DLGAP1: variants seen among roughly 807,000 people sequenced by gnomAD.
DLGAP1 encodes the protein disks large-associated protein 1.
A neutral mutation model predicts 90.8 loss-of-function variants in DLGAP1; 11 were observed. That is an observed-to-expected ratio of 0.12 (90% CI 0.08 to 0.20). The LOEUF (loss-of-function observed/expected upper bound fraction) is 0.20, where lower values mean the gene tolerates loss of function less well. Ranked by LOEUF, DLGAP1 falls within the 10% of genes least tolerant of loss-of-function variation. The probability of loss-of-function intolerance (pLI) is 1.00; values close to 1 mark genes in which losing one functional copy is unlikely to be tolerated. For missense variants in DLGAP1, 1,050 were observed against 1,333.8 expected, an observed-to-expected ratio of 0.79 and a Z score of 3.31; for synonymous variants, 558 against 540.7, an observed-to-expected ratio of 1.03 and a Z score of -0.44.
chr18:3,599,439 G>A (rs1323355089), intron 7 of DLGAP1, among the ~76,000 whole-genome samples: 1 of 152,136 alleles, frequency 6.6e-6, no homozygotes, highest in African/African-American at 2.4e-5. Flanking sequence ...GGTCAAGTTT[G>A]GCTAGTGGCT....
intron 1 of DLGAP1, among the ~76,000 whole-genome samples, chr18:4,445,453 C>A (rs201006140): frequency 2.5e-5 from 3 of 119,182 alleles, no homozygotes; most frequent in African/African-American, 9.6e-5. Context: ...CCCCCTCCCC[C>A]CACCCCACCA....
chr18:3,835,647 CAAA>C (rs573083559), intron 4 of DLGAP1, among the ~76,000 whole-genome samples: 4 of 79,612 alleles, frequency 5.0e-5, no homozygotes, highest in African/African-American at 4.3e-5. Context: ...GGCTCCGTCT[CAAA>C]AAAAAAAAAA....
chr18:3,836,317 A>G (rs1206449874), intron 4 of DLGAP1, among the ~76,000 whole-genome samples: 2 of 152,190 alleles, frequency 1.3e-5, no homozygotes, highest in Non-Finnish European at 1.5e-5. Flanking sequence ...TTTATTAAAA[A>G]AATACACTTT....
At chr18:4,435,274 A>G (rs970053320) in intron 1 of DLGAP1, among the ~76,000 whole-genome samples, 2 of 152,192 alleles carry the variant, frequency 1.3e-5, no homozygotes, top group Non-Finnish European at 2.9e-5. Context: ...AGTCAGTAAA[A>G]TTTGATGTTT....
At position 3,580,265 on chromosome 18, in the gene DLGAP1, G is replaced by T. The variant is rs559323575; in HGVS notation, c.1965+1610C>A. On this transcript the variant is annotated intron_variant, in intron 8 of 12. Coordinates refer to ENST00000315677, the MANE Select transcript of DLGAP1 (RefSeq NM_004746.4). ...GAAAAGACCAGTCAGTGGAGTGGGG[G>T]ACGCTCCAGGCACCAGCAATGGCGC... 1.9e-4 allele frequency: 299 copies of T among 1,603,958 alleles called. 2 individuals carry two copies. In the South Asian group the frequency reaches 3.2e-3, roughly 17 times the overall value.
At chr18:3,953,858 C>T (rs1418061429) in intron 3 of DLGAP1, among the ~76,000 whole-genome samples, 1 of 152,132 alleles carries the variant, frequency 6.6e-6, no homozygotes, top group Non-Finnish European at 1.5e-5. Flanking sequence ...CTGAAACATA[C>T]TCTAATCTTT....
At chr18:4,444,844 CT>C (rs1177041768) in intron 1 of DLGAP1, among the ~76,000 whole-genome samples, 5 of 152,282 alleles carry the variant, frequency 3.3e-5, no homozygotes, top group Admixed American at 6.5e-5. Context: ...TCATTTAAGC[CT>C]TTCAAAAACT....
intron 7 of DLGAP1, among the ~76,000 whole-genome samples, chr18:3,589,638 G>A (rs1247544207): frequency 1.3e-5 from 2 of 152,142 alleles, no homozygotes; most frequent in Non-Finnish European, 2.9e-5. Context: ...ATGTAAACAT[G>A]TTGTTACCCC....
At chr18:4,349,838 T>G (rs2081370916) in intron 1 of DLGAP1, among the ~76,000 whole-genome samples, 2 of 152,186 alleles carry the variant, frequency 1.3e-5, no homozygotes, top group Admixed American at 1.3e-4. Context: ...TCTTTCTATT[T>G]GTGAGGCTTA....
At chr18:4,263,062 T>C (rs1000311645) in intron 1 of DLGAP1, among the ~76,000 whole-genome samples, 1 of 151,964 alleles carries the variant, frequency 6.6e-6, no homozygotes, top group Non-Finnish European at 1.5e-5. Context: ...GCCTCCGGAG[T>C]AGCTGGGACT....
At chr18:4,348,239 T>C (rs1033107697) in intron 1 of DLGAP1, among the ~76,000 whole-genome samples, 4 of 152,118 alleles carry the variant, frequency 2.6e-5, no homozygotes, top group South Asian at 4.2e-4. Flanking sequence ...ATTAAATAAA[T>C]TGATGATGCT....
intron 1 of DLGAP1, among the ~76,000 whole-genome samples, chr18:4,388,591 G>C (rs147834139): frequency 6.6e-5 from 10 of 152,186 alleles, no homozygotes; most frequent in Admixed American, 3.9e-4. Flanking sequence ...AAAATAAGGA[G>C]TCATGTTGTA....
At position 3,938,820 on chromosome 18, in the gene DLGAP1, T is replaced by C. The variant is rs548454443; in HGVS notation, c.-72-58680A>G. The stretch of plus-strand genomic sequence containing the variant: ...TAATGGGAGGTGGCTGGAGGCATGC[T>C]GGCTGCTGGGTGGGAATACACAGTA... On this transcript the variant is annotated intron_variant, in intron 3 of 12. Coordinates refer to ENST00000315677, the MANE Select transcript of DLGAP1 (RefSeq NM_004746.4). Among the ~76,000 whole-genome samples the C allele has an allele frequency of 2.3e-3, 355 of 152,238 alleles. 3 individuals are homozygous for C. Among genetic ancestry groups the C allele is most frequent in the South Asian group, 9.7e-3 (47 of 4,822 alleles).
At chr18:4,341,419 C>T (rs376898021) in intron 1 of DLGAP1, among the ~76,000 whole-genome samples, 41 of 152,118 alleles carry the variant, frequency 2.7e-4, no homozygotes, top group African/African-American at 8.9e-4. Context: ...GTAATCAATA[C>T]CAAAATGACT....
chr18:4,090,311 A>G (rs9958471), intron 2 of DLGAP1, among the ~76,000 whole-genome samples: 47,425 of 152,062 alleles, frequency 0.31, 8,094 homozygotes, highest in African/African-American at 0.45. Context: ...TGAACAGACA[A>G]CCTATGGAAT....
Position 3,567,843 on chromosome 18 carries a change from C to CTTAA in DLGAP1, c.1966-266_1966-263dup, listed in dbSNP as rs149312356. ...ACAGATTTGCAAGTCTGTACTTAGA[C>CTTAA]TTAAGTATCTTACTGTAAATACTAT... On this transcript the variant is annotated intron_variant, in intron 8 of 12. Coordinates refer to ENST00000315677, the MANE Select transcript of DLGAP1 (RefSeq NM_004746.4). 1.4e-4 allele frequency among the ~76,000 whole-genome samples: 22 copies of CTTAA among 152,208 alleles called. No individual in the cohort carries two copies. The East Asian group carries it at 4.2e-3, about 29-fold the overall frequency.
At chr18:4,023,081 T>G (rs1048062090) in intron 2 of DLGAP1, among the ~76,000 whole-genome samples, 1 of 152,112 alleles carries the variant, frequency 6.6e-6, no homozygotes, top group Non-Finnish European at 1.5e-5. Context: ...GCATTTGATG[T>G]TATGCAACTT....
intron 5 of DLGAP1, among the ~76,000 whole-genome samples, chr18:3,792,539 G>C (rs1288547332): frequency 6.6e-6 from 1 of 151,990 alleles, no homozygotes; most frequent in Non-Finnish European, 1.5e-5. Flanking sequence ...TGGAAACTTT[G>C]ACCTCTTACT....
intron 3 of DLGAP1, among the ~76,000 whole-genome samples, chr18:3,933,366 T>C (rs367983989): frequency 1.3e-5 from 2 of 152,376 alleles, no homozygotes; most frequent in South Asian, 2.1e-4. Flanking sequence ...AGAAATGGAA[T>C]GTTCTCTATT....
Sources: gnomAD v4.1 joint callset for allele counts (sites outside exome capture counted in the v4.1 genomes callset) on GRCh38, gnomAD v4.1.1 for gene constraint, MANE v1.5 for transcripts, NCBI Gene and HGNC (gene_info 2026-07-23, HGNC 2026-07-21) for gene names.